The following DNAH12 variants were observed in gnomAD, a reference collection of about 807,000 sequenced individuals.
The protein encoded by DNAH12 is dynein axonemal heavy chain 12, also known as axonemal beta dynein heavy chain 12.
In DNAH12, 285 loss-of-function variants were observed where a neutral mutation model predicts 371.5. The observed-to-expected ratio is 0.77, with a 90% confidence interval of 0.70 to 0.85. The LOEUF is 0.85. Among genes scored for constraint, DNAH12 ranks in the 40% least tolerant of loss-of-function variants. The pLI is 0.00. For missense variants in DNAH12, 3,611 were observed against 3,689.4 expected, an observed-to-expected ratio of 0.98 and a Z score of 0.55; for synonymous variants, 1,200 against 1,213.0, an observed-to-expected ratio of 0.99 and a Z score of 0.22.
chr3:57,466,821 C>T (rs1575641377), intron 17 of DNAH12, among the ~76,000 whole-genome samples: 1 of 152,134 alleles, frequency 6.6e-6, no homozygotes, highest in Non-Finnish European at 1.5e-5. Context: ...TCATAGCTCA[C>T]TGCAACCTCA....
chr3:57,346,606 G>T (rs2062548776), intron 60 of DNAH12, among the ~76,000 whole-genome samples: 1 of 152,092 alleles, frequency 6.6e-6, no homozygotes, highest in South Asian at 2.1e-4. Flanking sequence ...TAATCCAACT[G>T]TATCAGTAAT....
At position 57,425,079 on chromosome 3, in the gene DNAH12, T is replaced by C. The variant is rs1485295062; in HGVS notation, c.5316A>G (p.Leu1772=). Residue 1772 remains leucine, a synonymous_variant, in exon 35 of 74, where the codon CTA becomes CTG. Coordinates refer to ENST00000495027, the MANE Select transcript of DNAH12 (RefSeq NM_001366028.2). The part of the protein sequence containing the change: ...VVSLTRLFEV[L]LCNVVENDPT... The stretch of plus-strand genomic sequence containing the variant: ...GATCATTTTCTACCACATTGCAAAG[T>C]AGCACTTCAAAGAGGCGTGTGAGAG... 8 of 702,866 alleles carry C rather than the reference T, an allele frequency of 1.1e-5. No homozygotes were observed. The highest frequency in any genetic ancestry group is 6.0e-5 in the Admixed American group (3 of 50,004). 43.5% of individuals were successfully genotyped at this position (702,866 alleles called of 1,614,324 possible). A position where few individuals can be genotyped will look rare whatever the true frequency, so the allele number is the denominator to read the frequency against.
intron 22 of DNAH12, among the ~76,000 whole-genome samples, chr3:57,456,528 C>T (rs1488733803): frequency 6.6e-6 from 1 of 152,140 alleles, no homozygotes; most frequent in Non-Finnish European, 1.5e-5. Context: ...ATCCTTCTTT[C>T]AAATTTATGA....
chr3:57,316,402 A>G (rs1422728225), intron 65 of DNAH12, among the ~76,000 whole-genome samples: 2 of 152,172 alleles, frequency 1.3e-5, no homozygotes, highest in Non-Finnish European at 2.9e-5. Context: ...CAACCTTGTC[A>G]TAATAGTTGT....
chr3:57,501,087 T>C (rs2067527196), intron 11 of DNAH12, among the ~76,000 whole-genome samples: 1 of 152,344 alleles, frequency 6.6e-6, no homozygotes, highest in South Asian at 2.1e-4. Flanking sequence ...ACCCTTTCAT[T>C]TATTTTTGCA....
At chr3:57,324,926 C>T (rs551905389) in intron 62 of DNAH12, among the ~76,000 whole-genome samples, 1 of 152,364 alleles carries the variant, frequency 6.6e-6, no homozygotes, top group African/African-American at 2.4e-5. Flanking sequence ...ATATCCCCCA[C>T]ATGGCTCAGA....
rs1200448035 is a variant in DNAH12, at chr3:57,387,076, T to G, written c.7439+10A>C. ...CCTTCATTGTCATTTTTAAATTCAC[T>G]AATATTAACCTTTCTGAAAGATCCA... is the stretch of plus-strand genomic sequence containing the variant. On this transcript the variant is annotated intron_variant, in intron 46 of 73. Transcript: ENST00000495027. 1.3e-5 allele frequency: 2 copies of G among 152,222 alleles called. No homozygotes were observed. The highest frequency in any genetic ancestry group is 1.9e-4 in the East Asian group (1 of 5,202). 9.4% of individuals were successfully genotyped at this position (152,222 alleles called of 1,614,324 possible).
rs1018129136 is a variant in DNAH12 at position 57,424,939 on chromosome 3, G to C, written c.5373+83C>G. On this transcript the variant is annotated intron_variant, in intron 35 of 73. Coordinates refer to ENST00000495027, the MANE Select transcript of DNAH12 (RefSeq NM_001366028.2). ...TCACCAAAAAATAGCTTTGGATCTT[G>C]TCATGTCTTTCTCAATATAAACATC... 8.1e-6 allele frequency: 5 copies of C among 616,092 alleles called. No individual in the cohort carries two copies. In the Admixed American group the frequency reaches 9.8e-5, roughly 12 times the overall value. The allele number at this position is 616,092 out of a possible 1,614,324, so 38.2% of individuals were successfully genotyped here.
chr3:57,428,247 T>C (rs2064843601), intron 34 of DNAH12: 4 of 680,002 alleles, frequency 5.9e-6, no homozygotes. Flanking sequence ...CCATCAAGTT[T>C]GTGGCAATTT....
chr3:57,355,456 C>A (rs1368887763), intron 59 of DNAH12, among the ~76,000 whole-genome samples: 3 of 152,024 alleles, frequency 2.0e-5, no homozygotes, highest in African/African-American at 7.2e-5. Flanking sequence ...GAAAACTAAC[C>A]CAAGTAAGTT....
chr3:57,453,338 T>C lies in DNAH12; in HGVS notation c.3522A>G (p.Gly1174=). Residue 1174 remains glycine, a synonymous_variant, in exon 24 of 74, where the codon GGA becomes GGG. Coordinates refer to ENST00000495027, the MANE Select transcript of DNAH12 (RefSeq NM_001366028.2). ...TGGTCCTGGTCTGCTTAGACAACTT[T>C]CCTCTTACCAGCTCTACAATCTCAT... The part of the protein sequence containing the change: ...QLNEIVELVR[G]KLSKQTRTTL... The C allele has an allele frequency of 1.9e-6, 3 of 1,551,314 alleles. No individual in the cohort carries two copies.
intron 25 of DNAH12, 91 bp from the exon 26 acceptor site, chr3:57,446,780 G>A (rs757812737): frequency 2.4e-6 from 3 of 1,238,066 alleles, no homozygotes; most frequent in African/African-American, 3.0e-5. Context: ...AGCCTGTTCT[G>A]TAGCTTCAGA....
chr3:57,296,481 T>G (rs1470229672), intron 71 of DNAH12, 46 bp from the exon 72 acceptor site: 1 of 1,404,712 alleles, frequency 7.1e-7, no homozygotes, highest in African/African-American at 1.4e-5. Flanking sequence ...CCAGACAACT[T>G]CATCTCATAA....
chr3:57,376,398 G>C (rs1458946793), intron 53 of DNAH12, among the ~76,000 whole-genome samples: 1 of 152,040 alleles, frequency 6.6e-6, no homozygotes, highest in Non-Finnish European at 1.5e-5. Context: ...GACATACTAA[G>C]ATTGGTATTT....
chr3:57,505,123 A>AC (rs2067703990), intron 8 of DNAH12, among the ~76,000 whole-genome samples: 1 of 152,052 alleles, frequency 6.6e-6, no homozygotes, highest in African/African-American at 2.4e-5. Flanking sequence ...TCCTGAGCTC[A>AC]AGTGACCCGC....
rs1469484798 is a variant in DNAH12, at chr3:57,309,238, T to C, written c.11102A>G (p.Asp3701Gly). The C allele has an allele frequency of 1.3e-6, 2 of 1,548,880 alleles. No individual in the cohort carries two copies. Among genetic ancestry groups the C allele is most frequent in the South Asian group, 1.2e-5 (1 of 83,096 alleles). The change falls in exon 69 of 74, where the codon GAC becomes GGC. Residue 3701 changes from aspartate (D) to glycine (G), a missense_variant. Asp to Gly is a moderately conservative substitution (Grantham distance 94, BLOSUM62 -1). Coordinates refer to ENST00000495027, the MANE Select transcript of DNAH12 (RefSeq NM_001366028.2). ...ATACTTCCGTAGTGCCATTTCAATGTCGAAATCACTAGGGAGCTAAAAGAA... is the reference window on the plus strand; with the variant it reads ...ATACTTCCGTAGTGCCATTTCAATGCCGAAATCACTAGGGAGCTAAAAGAA... The part of the protein sequence containing the change: ...DILNKLPSDF[D>G]IEMALRKYPV...
chr3:57,469,887 T>C (rs1055000073), intron 16 of DNAH12, among the ~76,000 whole-genome samples: 2 of 152,106 alleles, frequency 1.3e-5, no homozygotes, highest in African/African-American at 2.4e-5. Context: ...GGTGCTGTGC[T>C]CACTACCTGG....
chr3:57,334,404 G>A, intron 62 of DNAH12, 61 bp downstream of exon 62: 14 of 1,476,428 alleles, frequency 9.5e-6, no homozygotes, highest in Non-Finnish European at 1.3e-5. Context: ...AGAACTTTAA[G>A]CCTAGCACTT....
At chr3:57,462,651 G>A in intron 18 of DNAH12, 39 bp downstream of exon 18, 1 of 1,527,450 alleles carries the variant, frequency 6.5e-7, no homozygotes, top group Non-Finnish European at 8.8e-7. Flanking sequence ...GATTAACGAA[G>A]TCATCACATA....
Sources: allele counts gnomAD v4.1 joint callset (sites outside exome capture counted in the v4.1 genomes callset), GRCh38; gene constraint gnomAD v4.1.1; transcripts MANE v1.5; gene names NCBI Gene and HGNC (gene_info 2026-07-23, HGNC 2026-07-21).